CTDSPL: variants seen among roughly 807,000 people sequenced by gnomAD.
The protein encoded by CTDSPL is CTD small phosphatase-like protein.
A neutral mutation model predicts 30.5 loss-of-function variants in CTDSPL; 8 were observed. The ratio of observed to expected loss-of-function variants is 0.26; its 90% CI spans 0.15 to 0.47. The LOEUF (loss-of-function observed/expected upper bound fraction) is 0.47. Among genes scored for constraint, CTDSPL ranks in the 20% least tolerant of loss-of-function variants. The pLI, the probability that CTDSPL is intolerant of heterozygous loss-of-function variation, is 0.99. For missense variants in CTDSPL, 248 were observed against 366.1 expected, an observed-to-expected ratio of 0.68 and a Z score of 2.63; for synonymous variants, 110 against 137.9, an observed-to-expected ratio of 0.80 and a Z score of 1.42.
intron 2 of CTDSPL, among the ~76,000 whole-genome samples, chr3:37,956,726 T>A (rs1201257639): frequency 6.6e-6 from 1 of 152,226 alleles, no homozygotes; most frequent in Non-Finnish European, 1.5e-5. Flanking sequence ...ATTGACTTAG[T>A]CTTTTTAGGG....
At position 37,892,565 on chromosome 3, in the gene CTDSPL, G is replaced by GT. The variant is rs534446014; in HGVS notation, c.79+30298dup. Among the ~76,000 whole-genome samples the GT allele has an allele frequency of 7.4e-4, 110 of 147,778 alleles. 1 individual carries two copies. The highest frequency in any genetic ancestry group is 2.2e-3 in the Admixed American group (32 of 14,770). On this transcript the variant is annotated intron_variant, in intron 1 of 7. Coordinates refer to ENST00000273179, the MANE Select transcript of CTDSPL (RefSeq NM_001008392.2). ...CACCTACCTCTCATCAATATGACAA[G>GT]TTTTTTTTTTTAATCCAGTTGGAAT...
chr3:37,964,032 TAAAAAAAAAAAAAAAAAAAAAAAAA>T (rs58061973), intron 3 of CTDSPL, among the ~76,000 whole-genome samples: 2 of 22,964 alleles, frequency 8.7e-5, no homozygotes, highest in African/African-American at 1.3e-4. Context: ...TCTCAGTCAC[TAAAAAAAAAAAAAAAAAAAAAAAAA>T]AAAAAAAAAA....
chr3:37,921,874 C>T (rs1698720582), intron 1 of CTDSPL, among the ~76,000 whole-genome samples: 1 of 152,136 alleles, frequency 6.6e-6, no homozygotes, highest in Admixed American at 6.5e-5. Flanking sequence ...AGACTTTTTC[C>T]CAGGTCATGG....
At chr3:37,961,492 T>C (rs1385178632) in intron 3 of CTDSPL, among the ~76,000 whole-genome samples, 1 of 152,142 alleles carries the variant, frequency 6.6e-6, no homozygotes, top group Non-Finnish European at 1.5e-5. Context: ...AGCACACAGA[T>C]GCTCACAAAC....
chr3:37,862,874 GACT>G lies in CTDSPL; in HGVS notation c.79+599_79+601del, dbSNP rs1379819889. Among the ~76,000 whole-genome samples the G allele has an allele frequency of 6.6e-6, 1 of 152,156 alleles. No homozygotes were observed. The highest frequency in any genetic ancestry group is 6.5e-5 in the Admixed American group (1 of 15,282). On this transcript the variant is annotated intron_variant, in intron 1 of 7. Transcript: ENST00000273179. This position sits in a 1 kb window ranked among gnomAD's most constrained non-coding sequence, Gnocchi z 4.3. ...AGTTTGTGAGTGTGTATGATTGTGT[GACT>G]ACACCACCCAACTGGCGGATTGAAT...
chr3:37,959,185 C>T (rs1699208498), intron 3 of CTDSPL, among the ~76,000 whole-genome samples: 1 of 152,196 alleles, frequency 6.6e-6, no homozygotes, highest in South Asian at 2.1e-4. Context: ...AGAGCAGCTG[C>T]ATCTGGGGTC....
chr3:37,887,035 C>T (rs1253244908), intron 1 of CTDSPL, among the ~76,000 whole-genome samples: 1 of 152,276 alleles, frequency 6.6e-6, no homozygotes, highest in Non-Finnish European at 1.5e-5. Flanking sequence ...CTGAAGCTTT[C>T]TCATCTCAGG....
At chr3:37,968,977 G>C (rs1699332275) in intron 5 of CTDSPL, among the ~76,000 whole-genome samples, 1 of 152,226 alleles carries the variant, frequency 6.6e-6, no homozygotes. Flanking sequence ...GTCCCGGGGA[G>C]AGGCAGCTTT....
At chr3:37,931,728 TAATC>T (rs1192192432) in intron 1 of CTDSPL, among the ~76,000 whole-genome samples, 1 of 152,134 alleles carries the variant, frequency 6.6e-6, no homozygotes, top group African/African-American at 2.4e-5. Flanking sequence ...GTAGTAATAA[TAATC>T]AATTTTCAGC....
chr3:37,904,068 G>C (rs1186834352), intron 1 of CTDSPL, among the ~76,000 whole-genome samples: 4 of 152,218 alleles, frequency 2.6e-5, no homozygotes. Flanking sequence ...GTCCAAGGCT[G>C]GAAGGCAGGA....
chr3:37,922,087 C>A (rs1327529149), intron 1 of CTDSPL, among the ~76,000 whole-genome samples: 1 of 151,626 alleles, frequency 6.6e-6, no homozygotes, highest in Non-Finnish European at 1.5e-5. Flanking sequence ...CAAAAAGTAG[C>A]CAGGCATGGT....
At chr3:37,917,722 A>G (rs191965565) in intron 1 of CTDSPL, among the ~76,000 whole-genome samples, 5 of 152,368 alleles carry the variant, frequency 3.3e-5, no homozygotes, top group East Asian at 1.9e-4. Context: ...GCCACAAACT[A>G]TCAGCAATGA....
At chr3:37,972,118 C>G (rs1368020540) in intron 6 of CTDSPL, among the ~76,000 whole-genome samples, 1 of 152,218 alleles carries the variant, frequency 6.6e-6, no homozygotes, top group East Asian at 1.9e-4. Context: ...ATTCATTGAG[C>G]ACTTGCTGTG....
intron 1 of CTDSPL, among the ~76,000 whole-genome samples, chr3:37,866,982 A>T (rs1305237526): frequency 6.6e-6 from 1 of 152,182 alleles, no homozygotes; most frequent in Non-Finnish European, 1.5e-5. Context: ...GGTTTCTCTT[A>T]TTACTGACAT....
At chr3:37,952,646 A>G (rs1699123475) in intron 2 of CTDSPL, among the ~76,000 whole-genome samples, 1 of 152,216 alleles carries the variant, frequency 6.6e-6, no homozygotes, top group Non-Finnish European at 1.5e-5. Context: ...GATGACAGGT[A>G]TATTCTTGGA....
At chr3:37,908,104 C>T (rs1231415152) in intron 1 of CTDSPL, among the ~76,000 whole-genome samples, 1 of 152,180 alleles carries the variant, frequency 6.6e-6, no homozygotes, top group East Asian at 1.9e-4. Context: ...AACAAAAGTA[C>T]CCTTTGTAGG....
chr3:37,877,886 G>A (rs1211129649), intron 1 of CTDSPL, among the ~76,000 whole-genome samples: 3 of 152,044 alleles, frequency 2.0e-5, no homozygotes, highest in Non-Finnish European at 4.4e-5. Flanking sequence ...TCATTTCCAT[G>A]GGGAGGGCAC....
chr3:37,874,117 C>T (rs1285860287), intron 1 of CTDSPL, among the ~76,000 whole-genome samples: 1 of 152,174 alleles, frequency 6.6e-6, no homozygotes, highest in Non-Finnish European at 1.5e-5. Flanking sequence ...GGCTTGCTGG[C>T]CAGTGACTAG....
chr3:37,956,511 C>T (rs961098558), intron 2 of CTDSPL, among the ~76,000 whole-genome samples: 9 of 152,160 alleles, frequency 5.9e-5, no homozygotes, highest in Non-Finnish European at 1.3e-4. Flanking sequence ...GAGGCCTTTC[C>T]TTGGGGCCTA....
Sources: gnomAD v4.1 joint callset for allele counts (sites outside exome capture counted in the v4.1 genomes callset) on GRCh38, gnomAD v4.1.1 for gene constraint, Gnocchi (gnomAD v3.1) non-coding constraint, MANE v1.5 for transcripts, NCBI Gene and HGNC (gene_info 2026-07-23, HGNC 2026-07-21) for gene names.